The following RTCA variants were observed in gnomAD, a reference collection of about 807,000 sequenced individuals.
The protein encoded by RTCA is RNA 3'-terminal phosphate cyclase.
RTCA carries 37 observed loss-of-function variants against 46.1 expected under a neutral mutation model. The ratio of observed to expected loss-of-function variants is 0.80; its 90% confidence interval spans 0.62 to 1.06. The LOEUF (loss-of-function observed/expected upper bound fraction) is 1.06. Ranked by LOEUF, RTCA falls within the 50% of genes least tolerant of loss-of-function variation. The pLI, the probability that RTCA is intolerant of heterozygous loss-of-function variation, is 0.00. For missense variants in RTCA, 435 were observed against 455.5 expected, an observed-to-expected ratio of 0.95 and a Z score of 0.41; for synonymous variants, 164 against 158.3, an observed-to-expected ratio of 1.04 and a Z score of -0.27.
chr1:100,287,217 C>T lies in RTCA; in HGVS notation c.999+14C>T, dbSNP rs1667076808. ...CAAATAGCAAAGGTGAGTATTCTAT[C>T]AGAAAGGGAAATTGATATTTTGATT... On this transcript the variant is annotated intron_variant, in intron 10 of 10. Coordinates refer to ENST00000370128, the MANE Select transcript of RTCA (RefSeq NM_003729.4). 2 of 1,511,058 alleles carry T rather than the reference C, an allele frequency of 1.3e-6. No homozygotes were observed. The highest frequency in any genetic ancestry group is 1.8e-6 in the Non-Finnish European group (2 of 1,127,358). The allele number at this position is 1,511,058 out of a possible 1,614,324, so 93.6% of individuals were successfully genotyped here. A position where few individuals can be genotyped will look rare whatever the true frequency, so the allele number is the denominator to read the frequency against.
In RTCA at chr1:100,266,260, CTGCG is replaced by C. The variant is rs1330805784; in HGVS notation, c.-115_-112del. ...CTTCTTCCGCTTTCTCGTCAGGCTC[CTGCG>C]CCCCAGGCATGAACCAAGGTTTCTG... is the stretch of plus-strand genomic sequence containing the variant. On this transcript the variant is annotated 5_prime_UTR_variant, in exon 1 of 11. Coordinates refer to ENST00000370128, the MANE Select transcript of RTCA (RefSeq NM_003729.4). 1.4e-5 allele frequency: 9 copies of C among 657,600 alleles called. No homozygotes were observed. In the African/African-American group the frequency reaches 1.6e-4, roughly 12 times the overall value. The allele number at this position is 657,600 out of a possible 1,614,324, so 40.7% of individuals were successfully genotyped here. A position where few individuals can be genotyped will look rare whatever the true frequency, so the allele number is the denominator to read the frequency against.
At chr1:100,275,083 T>C (rs1666301566) in intron 6 of RTCA, 118 bp downstream of exon 6, 1 of 1,096,448 alleles carries the variant, frequency 9.1e-7, no homozygotes, top group East Asian at 2.6e-5. Flanking sequence ...AGAAATAATG[T>C]CCTTTGTGGC....
intron 8 of RTCA, among the ~76,000 whole-genome samples, chr1:100,279,599 A>T (rs1256973088): frequency 2.0e-5 from 3 of 151,912 alleles, no homozygotes. Context: ...ACATGGCAAG[A>T]TTCCATCTCT....
At chr1:100,279,059 T>C (rs1666549503) in intron 8 of RTCA, among the ~76,000 whole-genome samples, 1 of 152,230 alleles carries the variant, frequency 6.6e-6, no homozygotes, top group Admixed American at 6.5e-5. Flanking sequence ...AGTGTGGATA[T>C]TGAGCCACTG....
At chr1:100,285,011 C>G (rs1002932937) in intron 8 of RTCA, among the ~76,000 whole-genome samples, 1 of 152,154 alleles carries the variant, frequency 6.6e-6, no homozygotes, top group African/African-American at 2.4e-5. Flanking sequence ...CTATATTTTC[C>G]TCCACTAGTA....
chr1:100,286,025 T>A (rs1667004051), intron 9 of RTCA, among the ~76,000 whole-genome samples: 1 of 152,194 alleles, frequency 6.6e-6, no homozygotes, highest in East Asian at 1.9e-4. Flanking sequence ...TCCAGTCTCA[T>A]GGCTTAAGTA....
chr1:100,291,723 A>C lies in RTCA; in HGVS notation c.*219A>C, dbSNP rs914852187. On this transcript the variant is annotated 3_prime_UTR_variant, in exon 11 of 11. Coordinates refer to ENST00000370128, the MANE Select transcript of RTCA (RefSeq NM_003729.4). Reference sequence around the variant, plus strand: ...ATATCAGTTGGTGGATATGTGTGATAGCTGATTTCAATATTGAAGTATTGA... The same window carrying C: ...ATATCAGTTGGTGGATATGTGTGATCGCTGATTTCAATATTGAAGTATTGA... The C allele has an allele frequency of 9.5e-6, 3 of 316,100 alleles. No homozygotes were observed. In the Admixed American group the frequency reaches 1.5e-4, roughly 15 times the overall value. 19.6% of individuals were successfully genotyped at this position (316,100 alleles called of 1,614,324 possible).
intron 9 of RTCA, among the ~76,000 whole-genome samples, chr1:100,286,404 G>A (rs539238219): frequency 6.7e-5 from 9 of 134,232 alleles, no homozygotes; most frequent in Non-Finnish European, 1.1e-4. Flanking sequence ...GCAGTGAGCC[G>A]AGAATGCGCC....
At chr1:100,287,246 A>C in intron 10 of RTCA, 43 bp downstream of exon 10, 2 of 1,391,670 alleles carry the variant, frequency 1.4e-6, no homozygotes, top group Non-Finnish European at 2.0e-6. Context: ...TTTGATTTTT[A>C]TTTTAGCCAA....
chr1:100,266,291 A>C lies in RTCA; in HGVS notation c.-85A>C. ...CCCAGGCATGAACCAAGGTTTCTGAACTACTGGGCGGGAGCCAACGTCTCT... is the reference window on the plus strand; with the variant it reads ...CCCAGGCATGAACCAAGGTTTCTGACCTACTGGGCGGGAGCCAACGTCTCT... On this transcript the variant is annotated 5_prime_UTR_variant, in exon 1 of 11. Transcript: ENST00000370128. 3 of 1,542,394 alleles carry C rather than the reference A, an allele frequency of 1.9e-6. No homozygotes were observed. Among genetic ancestry groups the C allele is most frequent in the Non-Finnish European group, 2.6e-6 (3 of 1,138,434 alleles).
intron 10 of RTCA, 68 bp from the exon 11 acceptor site, chr1:100,291,335 A>T (rs1443917030): frequency 1.1e-6 from 1 of 912,638 alleles, no homozygotes; most frequent in African/African-American, 1.7e-5. Flanking sequence ...TGCCTACATA[A>T]GTTGGAGTTG....
rs753725251 is a variant in RTCA at position 100,275,647 on chromosome 1, A to G, written c.664A>G (p.Ile222Val). 2.5e-6 allele frequency: 4 copies of G among 1,612,464 alleles called. No individual in the cohort carries two copies. In the South Asian group the frequency reaches 4.4e-5, roughly 18 times the overall value. Residue 222 changes from isoleucine to valine, a missense_variant, in exon 7 of 11, where the codon ATC (isoleucine) becomes GTC (valine). Physicochemically the swap from Ile to Val is conservative, Grantham distance 29. Coordinates refer to ENST00000370128, the MANE Select transcript of RTCA (RefSeq NM_003729.4). ...AAAVRCIRKE[I>V]RDLYVNIQPV... ...AGCAGTTAGATGCATCAGAAAGGAG[A>G]TCCGGGATTTGTATGTTAACATCCA...
chr1:100,288,529 C>T (rs2100816205), intron 10 of RTCA, among the ~76,000 whole-genome samples: 1 of 151,532 alleles, frequency 6.6e-6, no homozygotes, highest in African/African-American at 2.4e-5. Flanking sequence ...GTAGCTGGGG[C>T]TACGGGAGTG....
chr1:100,273,296 C>G, intron 4 of RTCA, 98 bp from the exon 5 acceptor site: 1 of 694,234 alleles, frequency 1.4e-6, no homozygotes. Flanking sequence ...CCTATAGCAC[C>G]CAGTTACTAG....
At chr1:100,283,805 T>A (rs1163043549) in intron 8 of RTCA, among the ~76,000 whole-genome samples, 1 of 148,064 alleles carries the variant, frequency 6.8e-6, no homozygotes, top group Non-Finnish European at 1.5e-5. Flanking sequence ...AAAAATAGAG[T>A]TTCTGGGCAT....
At chr1:100,272,110 A>G (rs1570876310) in intron 4 of RTCA, among the ~76,000 whole-genome samples, 1 of 152,240 alleles carries the variant, frequency 6.6e-6, no homozygotes, top group East Asian at 1.9e-4. Context: ...TGGCAATTAT[A>G]AATTAAGTTA....
At chr1:100,279,768 A>G (rs1666588004) in intron 8 of RTCA, among the ~76,000 whole-genome samples, 1 of 152,200 alleles carries the variant, frequency 6.6e-6, no homozygotes, top group Admixed American at 6.5e-5. Context: ...TGACACAGTG[A>G]GACCCTGTCA....
At chr1:100,269,488 A>G (rs1665967315) in intron 3 of RTCA, among the ~76,000 whole-genome samples, 1 of 150,962 alleles carries the variant, frequency 6.6e-6, no homozygotes, top group African/African-American at 2.4e-5. Context: ...CGTGCACCAC[A>G]ATGCCTGGTT....
chr1:100,276,740 C>G (rs1159455471), intron 7 of RTCA, among the ~76,000 whole-genome samples: 1 of 152,156 alleles, frequency 6.6e-6, no homozygotes, highest in Non-Finnish European at 1.5e-5. Flanking sequence ...AGTATTAGTA[C>G]AAATTCTTTA....
Sources: gnomAD v4.1 joint callset for allele counts (sites outside exome capture counted in the v4.1 genomes callset) on GRCh38, gnomAD v4.1.1 for gene constraint, MANE v1.5 for transcripts, NCBI Gene and HGNC (gene_info 2026-07-23, HGNC 2026-07-21) for gene names.